SRGAP3: variants seen among roughly 807,000 people sequenced by gnomAD.
SRGAP3 encodes the protein SLIT-ROBO Rho GTPase-activating protein 3.
SRGAP3 carries 39 observed loss-of-function variants against 121.1 expected under a neutral mutation model. That is an observed-to-expected ratio of 0.32 (90% CI 0.25 to 0.42). The LOEUF (loss-of-function observed/expected upper bound fraction) is 0.42, where lower values mean the gene tolerates loss of function less well. Among genes scored for constraint, SRGAP3 ranks in the 10% least tolerant of loss-of-function variants. The pLI, the probability that SRGAP3 is intolerant of heterozygous loss-of-function variation, is 1.00. For synonymous variants in SRGAP3, 601 were observed against 570.0 expected, an observed-to-expected ratio of 1.05 and a Z score of -0.77; for missense variants, 1,213 against 1,470.6, an observed-to-expected ratio of 0.82 and a Z score of 2.86.
rs558332077 is a variant in SRGAP3, at chr3:9,298,800, T to A, written n.442+27210A>T. ...GGTGGCATGGCTCATGCCTGTAATC[T>A]CAGCATTTTGGGAGGCCGAGGCAGG... On this transcript the variant is annotated intron_variant and non_coding_transcript_variant, in intron 3 of 3. Transcript: ENST00000490889. 2.0e-5 allele frequency among the ~76,000 whole-genome samples: 3 copies of A among 151,162 alleles called. No individual in the cohort carries two copies. The South Asian group carries it at 6.2e-4, about 31-fold the overall frequency.
chr3:9,121,393 T>C (rs1319374277), intron 2 of SRGAP3, among the ~76,000 whole-genome samples: 1 of 152,202 alleles, frequency 6.6e-6, no homozygotes, highest in Non-Finnish European at 1.5e-5. Context: ...ACAGGTCCTG[T>C]GTGCTGGGCT....
chr3:9,203,477 G>C (rs978482126), intron 1 of SRGAP3, among the ~76,000 whole-genome samples: 30 of 152,182 alleles, frequency 2.0e-4, no homozygotes, highest in African/African-American at 6.5e-4. Context: ...CCACATGTTT[G>C]TTTCCATCCC....
chr3:9,331,523 C>A (rs2125286255), intron 1 of SRGAP3, among the ~76,000 whole-genome samples: 1 of 152,272 alleles, frequency 6.6e-6, no homozygotes, highest in African/African-American at 2.4e-5. Flanking sequence ...CCACCCCAGC[C>A]CCATATGTCC....
Position 9,058,481 on chromosome 3 carries a change from G to C in SRGAP3, c.802-9C>G, listed in dbSNP as rs751948060. ...AAGCCCAAATCACAGCACTTGGGGA[G>C]AGGCAACAACGGAAGGTTATGGGTG... is the stretch of plus-strand genomic sequence containing the variant. On this transcript the variant is annotated splice_polypyrimidine_tract_variant and intron_variant, in intron 6 of 21. Transcript: ENST00000383836. 4.6e-5 allele frequency: 74 copies of C among 1,613,468 alleles called. No homozygotes were observed. The South Asian group carries it at 7.8e-4, about 17-fold the overall frequency.
At chr3:9,345,412 G>A (rs1009227049) in intron 1 of SRGAP3, among the ~76,000 whole-genome samples, 1 of 151,840 alleles carries the variant, frequency 6.6e-6, no homozygotes, top group Non-Finnish European at 1.5e-5. Flanking sequence ...CCACCAGGAA[G>A]TGAAGGCTAC....
chr3:9,160,570 G>T (rs1204709651), intron 1 of SRGAP3, among the ~76,000 whole-genome samples: 2 of 152,202 alleles, frequency 1.3e-5, no homozygotes, highest in East Asian at 3.9e-4. Flanking sequence ...GCAAGATCTT[G>T]ACTGTAAGCT....
intron 13 of SRGAP3, 107 bp downstream of exon 13, chr3:9,026,828 C>G (rs1559945002): frequency 2.4e-6 from 3 of 1,245,334 alleles, no homozygotes; most frequent in Non-Finnish European, 2.4e-6. Context: ...CAAAGCAGAG[C>G]TGTGACGGGA....
chr3:9,094,880 T>C (rs756104554), intron 3 of SRGAP3, among the ~76,000 whole-genome samples: 1 of 151,786 alleles, frequency 6.6e-6, no homozygotes, highest in Non-Finnish European at 1.5e-5. Flanking sequence ...CTCAGCCTCC[T>C]GAGTAGCTGA....
At chr3:9,007,722 G>A (rs895406205) in intron 18 of SRGAP3, 5 of 152,068 alleles carry the variant, frequency 3.3e-5, no homozygotes, top group African/African-American at 1.2e-4. Flanking sequence ...GCTTGGTGCT[G>A]TCATTCCCAT....
At chr3:9,186,822 G>A (rs1219589277) in intron 1 of SRGAP3, among the ~76,000 whole-genome samples, 4 of 152,090 alleles carry the variant, frequency 2.6e-5, no homozygotes, top group Non-Finnish European at 4.4e-5. Context: ...AATAAACATC[G>A]GGGGCATCTG....
At chr3:9,288,274 A>C (rs1954813609) in intron 3 of SRGAP3, among the ~76,000 whole-genome samples, 1 of 151,766 alleles carries the variant, frequency 6.6e-6, no homozygotes, top group Admixed American at 6.6e-5. Context: ...AGTAGCTAGG[A>C]TTACAGGCAC....
At chr3:9,113,660 G>T (rs947165039) in intron 2 of SRGAP3, among the ~76,000 whole-genome samples, 1 of 152,050 alleles carries the variant, frequency 6.6e-6, no homozygotes. Context: ...TAATCCCCAC[G>T]TGTCATGGGT....
intron 4 of SRGAP3, among the ~76,000 whole-genome samples, chr3:9,068,656 T>C (rs1169898868): frequency 1.3e-5 from 2 of 152,240 alleles, no homozygotes; most frequent in Non-Finnish European, 2.9e-5. Flanking sequence ...GTTTCTTTTA[T>C]TTAATTACCT....
intron 18 of SRGAP3, among the ~76,000 whole-genome samples, chr3:8,997,178 C>T (rs1298556231): frequency 7.9e-5 from 12 of 152,082 alleles, no homozygotes; most frequent in Admixed American, 5.9e-4. Context: ...TATGTTTCTC[C>T]CCCTCATCAC....
upstream of SRGAP3, among the ~76,000 whole-genome samples, chr3:9,250,938 T>C (rs1460057700): frequency 6.6e-6 from 1 of 152,228 alleles, no homozygotes; most frequent in Non-Finnish European, 1.5e-5. Flanking sequence ...TTGTCACTAA[T>C]GTGTATTGGC....
At chr3:9,279,275 C>G (rs1954636478) in intron 3 of SRGAP3, among the ~76,000 whole-genome samples, 1 of 152,146 alleles carries the variant, frequency 6.6e-6, no homozygotes. Context: ...TCTAGAAACA[C>G]CTATAAGCTG....
chr3:9,254,541 C>G (rs543454420), upstream of SRGAP3, among the ~76,000 whole-genome samples: 94 of 152,244 alleles, frequency 6.2e-4, no homozygotes, highest in African/African-American at 2.2e-3. Context: ...TGCCTGTAAT[C>G]CCAGTATTTT....
At chr3:9,041,837 G>A (rs1411959566) in intron 10 of SRGAP3, among the ~76,000 whole-genome samples, 9 of 152,088 alleles carry the variant, frequency 5.9e-5, no homozygotes, top group South Asian at 4.2e-4. Flanking sequence ...GTGGTGACTC[G>A]TGCCCGTAAT....
intron 1 of SRGAP3, among the ~76,000 whole-genome samples, chr3:9,137,823 C>G (rs921121453): frequency 2.0e-5 from 3 of 152,210 alleles, no homozygotes; most frequent in African/African-American, 7.2e-5. Context: ...AGAAGTCAGA[C>G]AGAAGCTGCC....
Sources: gnomAD v4.1 joint callset for allele counts (sites outside exome capture counted in the v4.1 genomes callset) on GRCh38, gnomAD v4.1.1 for gene constraint, MANE v1.5 for transcripts, NCBI Gene and HGNC (gene_info 2026-07-23, HGNC 2026-07-21) for gene names.